The following NOL11 variants were observed in gnomAD, a reference collection of about 807,000 sequenced individuals.
NOL11 encodes nucleolar protein 11.
Under a neutral mutation model 93.0 loss-of-function variants are expected in NOL11, and 42 were observed. The ratio of observed to expected loss-of-function variants is 0.45; its 90% CI spans 0.35 to 0.58. The LOEUF (loss-of-function observed/expected upper bound fraction) is 0.58, where lower values mean the gene tolerates loss of function less well. Among genes scored for constraint, NOL11 ranks in the 20% least tolerant of loss-of-function variants. NOL11 has a pLI of 0.00. For synonymous variants in NOL11, 296 were observed against 293.7 expected (o/e 1.01, Z -0.08); for missense variants, 775 against 841.8 (o/e 0.92, Z 0.98).
At chr17:67,725,962 G>A (rs1014387100) in intron 6 of NOL11, among the ~76,000 whole-genome samples, 10 of 152,080 alleles carry the variant, frequency 6.6e-5, no homozygotes, top group Non-Finnish European at 8.8e-5. Flanking sequence ...TGCACCTGTA[G>A]TCCCCGCTAT....
At chr17:67,733,153 CA>C (rs1304675450) in intron 7 of NOL11, among the ~76,000 whole-genome samples, 4 of 151,732 alleles carry the variant, frequency 2.6e-5, no homozygotes, top group African/African-American at 9.7e-5. Context: ...CACCTGAGGT[CA>C]GGAGTTCGAG....
At chr17:67,730,951 A>T (rs2055148925) in intron 7 of NOL11, among the ~76,000 whole-genome samples, 1 of 152,128 alleles carries the variant, frequency 6.6e-6, no homozygotes, top group African/African-American at 2.4e-5. Flanking sequence ...CATAATTTGG[A>T]TTCTGGCCAT....
chr17:67,739,082 T>A, intron 15 of NOL11, 72 bp downstream of exon 15: 1 of 1,079,880 alleles, frequency 9.3e-7, no homozygotes, highest in Non-Finnish European at 1.4e-6. Flanking sequence ...TAACCAGCTG[T>A]TAGGGCATTC....
At chr17:67,736,144 T>C in intron 9 of NOL11, 121 bp downstream of exon 9, 2 of 962,962 alleles carry the variant, frequency 2.1e-6, no homozygotes, top group Non-Finnish European at 3.0e-6. Context: ...TTTACCGCTG[T>C]TTATTGAAAC....
In NOL11 at chr17:67,739,106, A is replaced by G. The variant is rs1415554352; in HGVS notation, c.1842+96A>G. The G allele has an allele frequency of 3.2e-6, 3 of 925,572 alleles. No homozygotes were observed. In the Admixed American group the frequency reaches 6.8e-5, roughly 21 times the overall value. 57.3% of individuals were successfully genotyped at this position (925,572 alleles called of 1,614,324 possible). On this transcript the variant is annotated intron_variant, in intron 15 of 17. Coordinates refer to ENST00000253247, the MANE Select transcript of NOL11 (RefSeq NM_015462.5). The stretch of plus-strand genomic sequence containing the variant: ...GTTAGGGCATTCTAAAGGTTATGAA[A>G]TTCTTTCATGTGAATAAGAGGTTGC...
intron 14 of NOL11, chr17:67,738,693 G>T: frequency 4.7e-6 from 2 of 425,608 alleles, no homozygotes; most frequent in Non-Finnish European, 8.3e-6. Context: ...AAAAAAAAAA[G>T]AAGAAGCTAT....
intron 6 of NOL11, among the ~76,000 whole-genome samples, chr17:67,724,547 G>A (rs1287014787): frequency 6.6e-6 from 1 of 151,946 alleles, no homozygotes; most frequent in Non-Finnish European, 1.5e-5. Flanking sequence ...GGTCAGGCTG[G>A]TCTCCAACTC....
Position 67,737,538 on chromosome 17 carries a change from G to C in NOL11, c.1249G>C (p.Val417Leu). Residue 417 changes from valine to leucine, a missense_variant, in exon 12 of 18, where the codon GTA (valine) becomes CTA (leucine). Physicochemically the swap from Val to Leu is conservative, Grantham distance 32 (BLOSUM62 1). Around this residue, in one of 2 missense-constraint regions of NOL11, gnomAD observed 416 missense variants for 525.2 expected, o/e 0.79. Transcript: ENST00000253247. Reference protein sequence around the residue: ...KDSEKHIEVEVRKFLALKQTP... With the variant: ...KDSEKHIEVELRKFLALKQTP... ...TTCAGAAAAACACATTGAAGTAGAA[G>C]TACGGAAATTTTTGGCTCTGAAGCA... 1 of 1,608,084 alleles carries C rather than the reference G, an allele frequency of 6.2e-7. No homozygotes were observed.
chr17:67,741,598 G>T, intron 16 of NOL11, among the ~76,000 whole-genome samples: 1 of 151,814 alleles, frequency 6.6e-6, no homozygotes, highest in East Asian at 1.9e-4. Flanking sequence ...CTGAGACAGA[G>T]CCTTGCCCTG....
intron 15 of NOL11, 115 bp downstream of exon 15, chr17:67,739,125 A>T: frequency 6.3e-6 from 5 of 788,534 alleles, no homozygotes; most frequent in African/African-American, 1.7e-5. Context: ...TGTGAATAAG[A>T]GGTTGCCCAG....
Position 67,724,121 on chromosome 17 carries a change from C to T in NOL11, c.592C>T (p.Gln198Ter). The T allele has an allele frequency of 6.3e-7, 1 of 1,592,888 alleles. No individual in the cohort carries two copies. The change falls in exon 6 of 18, where the codon CAA (glutamine) becomes TAA (stop). Residue 198 changes from glutamine (Q) to a stop codon, truncating the protein, a stop_gained. Coordinates refer to ENST00000253247, the MANE Select transcript of NOL11 (RefSeq NM_015462.5). LOFTEE classifies it high-confidence loss of function. ...AACCAAATATACACTCTTACTTGGACAAGACGAAAACTCTGTTATAAAGAG... is the reference window on the plus strand; with the variant it reads ...AACCAAATATACACTCTTACTTGGATAAGACGAAAACTCTGTTATAAAGAG... ...ILTKYTLLLGQDENSVIKSFT... is the reference protein window; with the variant it reads ...ILTKYTLLLG
intron 16 of NOL11, among the ~76,000 whole-genome samples, chr17:67,742,371 A>G (rs2055264521): frequency 6.6e-6 from 1 of 152,086 alleles, no homozygotes; most frequent in African/African-American, 2.4e-5. Context: ...CTTTGTCCAT[A>G]TGTATATTGC....
intron 4 of NOL11, 21 bp downstream of exon 4, chr17:67,721,547 G>A (rs1391072496): frequency 6.3e-7 from 1 of 1,591,816 alleles, no homozygotes; most frequent in African/African-American, 1.4e-5. Flanking sequence ...GTACTTGTAA[G>A]TAAATTTATC....
intron 7 of NOL11, among the ~76,000 whole-genome samples, chr17:67,732,157 CTT>C: frequency 6.6e-6 from 1 of 152,056 alleles, no homozygotes; most frequent in Non-Finnish European, 1.5e-5. Flanking sequence ...TGTTTTATAA[CTT>C]TTAGTGTACA....
At chr17:67,722,479 A>G (rs2043224555) in intron 4 of NOL11, 101 bp from the exon 5 acceptor site, 24 of 1,460,994 alleles carry the variant, frequency 1.6e-5, no homozygotes, top group Non-Finnish European at 2.2e-5. Context: ...TTCTGGTTCT[A>G]AAAAATATTT....
chr17:67,738,056 G>A, intron 13 of NOL11, 66 bp from the exon 14 acceptor site: 2 of 1,552,272 alleles, frequency 1.3e-6, no homozygotes, highest in South Asian at 2.4e-5. Flanking sequence ...TGATGCTTAG[G>A]AAATGAAATT....
At chr17:67,734,008 G>A (rs567866720) in intron 7 of NOL11, among the ~76,000 whole-genome samples, 109 of 152,256 alleles carry the variant, frequency 7.2e-4, no homozygotes, top group African/African-American at 2.5e-3. Flanking sequence ...GCCCAAATGA[G>A]TTTAGGAAGT....
chr17:67,738,359 T>C lies in NOL11; in HGVS notation c.1763+4T>C. 6.3e-7 allele frequency: 1 copy of C among 1,578,192 alleles called. No homozygotes were observed. Among genetic ancestry groups the C allele is most frequent in the Non-Finnish European group, 8.7e-7 (1 of 1,151,248 alleles). ...TACAAAAAAGAGCAGCTCTACTGTA[T>C]CCTTTGACATAGAGCATCCCTCTGT... On this transcript the variant is annotated splice_donor_region_variant and intron_variant, in intron 14 of 17. Coordinates refer to ENST00000253247, the MANE Select transcript of NOL11 (RefSeq NM_015462.5).
intron 7 of NOL11, among the ~76,000 whole-genome samples, chr17:67,732,466 G>C (rs1164296406): frequency 6.7e-6 from 1 of 148,586 alleles, no homozygotes; most frequent in African/African-American, 2.5e-5. Context: ...ACTCCAGCCT[G>C]GGCAATAAGA....
Sources: allele counts gnomAD v4.1 joint callset (sites outside exome capture counted in the v4.1 genomes callset), GRCh38; gene constraint gnomAD v4.1.1; regional missense constraint gnomAD v4.1.1; transcripts MANE v1.5; gene names NCBI Gene and HGNC (gene_info 2026-07-23, HGNC 2026-07-21).